C6: variants seen among roughly 807,000 people sequenced by gnomAD.
C6 encodes complement C6.
Under a neutral mutation model 112.9 loss-of-function variants are expected in C6, and 101 were observed. The observed-to-expected ratio is 0.89, with a 90% CI of 0.76 to 1.06. The LOEUF is 1.06. C6 is among the 50% of genes least tolerant of loss of function. The probability of loss-of-function intolerance (pLI) is 0.00; values close to 1 mark genes in which losing one functional copy is unlikely to be tolerated. For synonymous variants in C6, 431 were observed against 384.1 expected, an observed-to-expected ratio of 1.12 and a Z score of -1.43; for missense variants, 1,202 against 1,104.6, an observed-to-expected ratio of 1.09 and a Z score of -1.25.
At chr5:41,251,893 G>A (rs549662314) in intron 1 of C6, among the ~76,000 whole-genome samples, 1 of 152,278 alleles carries the variant, frequency 6.6e-6, no homozygotes, top group Non-Finnish European at 1.5e-5. Flanking sequence ...AGCAAGTAAA[G>A]TCTCTGCTAA....
intron 16 of C6, 22 bp downstream of exon 16, chr5:41,149,913 C>T (rs1746220029): frequency 6.5e-7 from 1 of 1,528,910 alleles, no homozygotes. Flanking sequence ...TTTCCAGACA[C>T]AGTCTGTAGG....
At chr5:41,215,537 C>T (rs1451067135), upstream of C6, among the ~76,000 whole-genome samples, 1 of 152,142 alleles carries the variant, frequency 6.6e-6, no homozygotes, top group Non-Finnish European at 1.5e-5. Context: ...CTGGCACTGG[C>T]TGAGTTGCTT....
chr5:41,153,787 C>G, intron 15 of C6, 23 bp downstream of exon 15: 1 of 1,591,776 alleles, frequency 6.3e-7, no homozygotes, highest in Non-Finnish European at 8.6e-7. Flanking sequence ...TATCAGACCC[C>G]AGAACACTGA....
intron 1 of C6, among the ~76,000 whole-genome samples, chr5:41,208,897 A>G (rs2150384465): frequency 6.6e-6 from 1 of 152,236 alleles, no homozygotes; most frequent in African/African-American, 2.4e-5. Context: ...CTGATACCAA[A>G]GCCTGGCAGA....
intron 1 of C6, among the ~76,000 whole-genome samples, chr5:41,259,217 A>C (rs1431560957): frequency 6.6e-6 from 1 of 152,226 alleles, no homozygotes; most frequent in Non-Finnish European, 1.5e-5. Context: ...TGATTAAATC[A>C]AATGTTTGAT....
chr5:41,145,523 G>A (rs543931930), intron 17 of C6, among the ~76,000 whole-genome samples: 31 of 152,326 alleles, frequency 2.0e-4, no homozygotes, highest in African/African-American at 6.0e-4. Flanking sequence ...GTGAGTATTA[G>A]CAATGAGGTC....
chr5:41,224,816 G>C (rs993116690), intron 1 of C6, among the ~76,000 whole-genome samples: 9 of 152,026 alleles, frequency 5.9e-5, no homozygotes, highest in Non-Finnish European at 1.0e-4. Flanking sequence ...ACATTTTAAG[G>C]AACTGTCAAA....
intron 1 of C6, among the ~76,000 whole-genome samples, chr5:41,209,522 G>C (rs1751720621): frequency 6.6e-6 from 1 of 152,178 alleles, no homozygotes; most frequent in South Asian, 2.1e-4. Flanking sequence ...CTTCAGCAAA[G>C]TCTCAGGATA....
chr5:41,236,088 C>G (rs1367127317), intron 1 of C6, among the ~76,000 whole-genome samples: 1 of 73,980 alleles, frequency 1.4e-5, no homozygotes, highest in Non-Finnish European at 2.6e-5. Flanking sequence ...TTAATTAGAT[C>G]CCATTTGTCA....
chr5:41,224,624 A>G (rs887783206), intron 1 of C6, among the ~76,000 whole-genome samples: 2 of 151,872 alleles, frequency 1.3e-5, no homozygotes, highest in African/African-American at 4.8e-5. Context: ...GCATGGGTAT[A>G]CTACATTTTG....
chr5:41,239,852 C>A (rs1469381928), intron 1 of C6, among the ~76,000 whole-genome samples: 1 of 152,086 alleles, frequency 6.6e-6, no homozygotes, highest in Non-Finnish European at 1.5e-5. Context: ...ATTTCTCTTT[C>A]ATTTATGAAA....
At chr5:41,189,320 T>A (rs776830832) in intron 5 of C6, among the ~76,000 whole-genome samples, 1 of 152,058 alleles carries the variant, frequency 6.6e-6, no homozygotes, top group Non-Finnish European at 1.5e-5. Flanking sequence ...CAAAAACTTG[T>A]ACATGAATGT....
intron 8 of C6, chr5:41,172,580 T>C: frequency 3.5e-6 from 2 of 574,310 alleles, no homozygotes; most frequent in Non-Finnish European, 6.3e-6. Flanking sequence ...CATCTCCCCT[T>C]TCAGCACTGA....
intron 9 of C6, among the ~76,000 whole-genome samples, chr5:41,163,601 G>A (rs571072018): frequency 8.9e-4 from 135 of 152,242 alleles, no homozygotes; most frequent in Non-Finnish European, 1.7e-3. Context: ...GTGAGCCACT[G>A]CGCCCAGCCT....
At chr5:41,202,747 T>A (rs920812529) in intron 2 of C6, among the ~76,000 whole-genome samples, 7 of 152,176 alleles carry the variant, frequency 4.6e-5, no homozygotes, top group Non-Finnish European at 1.0e-4. Context: ...ATTTAATGAG[T>A]AGAAAATTCT....
At chr5:41,174,237 C>A (rs1177743309) in intron 8 of C6, among the ~76,000 whole-genome samples, 1 of 152,178 alleles carries the variant, frequency 6.6e-6, no homozygotes, top group Non-Finnish European at 1.5e-5. Flanking sequence ...TTCTTCCCTG[C>A]AGTATGTCCA....
intron 1 of C6, among the ~76,000 whole-genome samples, chr5:41,251,687 G>A (rs1312104212): frequency 6.6e-6 from 1 of 152,128 alleles, no homozygotes; most frequent in African/African-American, 2.4e-5. Context: ...AATGACAGAC[G>A]CTAGGCAAAT....
chr5:41,213,576 T>G (rs1246657310), upstream of C6: 14 of 984,980 alleles, frequency 1.4e-5, no homozygotes, highest in Non-Finnish European at 1.3e-5. Context: ...CTCTGGAACT[T>G]GAACTTTGCA....
At chr5:41,228,337 T>C (rs1580228396) in intron 1 of C6, among the ~76,000 whole-genome samples, 1 of 152,146 alleles carries the variant, frequency 6.6e-6, no homozygotes, top group Admixed American at 6.6e-5. Flanking sequence ...CAAATTTGTT[T>C]ATTGGTTCTA....
Sources: allele counts gnomAD v4.1 joint callset (sites outside exome capture counted in the v4.1 genomes callset), GRCh38; gene constraint gnomAD v4.1.1; transcripts MANE v1.5; gene names NCBI Gene and HGNC (gene_info 2026-07-23, HGNC 2026-07-21).